Variants in MAML3 observed in about 807,000 individuals in gnomAD.
MAML3 encodes mastermind-like protein 3.
A neutral mutation model predicts 101.9 loss-of-function variants in MAML3; 27 were observed. The ratio of observed to expected loss-of-function variants is 0.27; its 90% CI spans 0.20 to 0.37. The LOEUF is 0.37. Among genes scored for constraint, MAML3 ranks in the 10% least tolerant of loss-of-function variants. The pLI is 1.00. For synonymous variants in MAML3, 501 were observed against 555.9 expected (o/e 0.90, Z 1.39); for missense variants, 1,316 against 1,444.9 (o/e 0.91, Z 1.45).
At chr4:140,025,547 G>A (rs566816993) in intron 1 of MAML3, among the ~76,000 whole-genome samples, 1 of 152,252 alleles carries the variant, frequency 6.6e-6, no homozygotes, top group Admixed American at 6.5e-5. Flanking sequence ...AGAAATGCCA[G>A]ATACACACCT....
chr4:139,798,455 C>G (rs949184571), intron 2 of MAML3, among the ~76,000 whole-genome samples: 6 of 152,160 alleles, frequency 3.9e-5, no homozygotes, highest in Non-Finnish European at 5.9e-5. Context: ...CCAAAGTTGT[C>G]AGGCAATACT....
intron 1 of MAML3, among the ~76,000 whole-genome samples, chr4:140,032,930 C>T (rs1479468420): frequency 6.7e-6 from 1 of 148,464 alleles, no homozygotes; most frequent in Admixed American, 6.7e-5. Flanking sequence ...GCTTATCCTT[C>T]AAGAAAATAT....
intron 1 of MAML3, among the ~76,000 whole-genome samples, chr4:139,959,846 A>G (rs1733979909): frequency 6.6e-6 from 1 of 152,242 alleles, no homozygotes; most frequent in African/African-American, 2.4e-5. Flanking sequence ...GGTCATTAGT[A>G]CCCATGATTA....
Position 140,089,306 on chromosome 4 carries a change from C to T in MAML3, c.468+63554G>A, listed in dbSNP as rs147255839. ...TTAGTTTGCTTGATCAGATTTTGAC[C>T]AATAATAATAAGAAAAAGAATGGAA... On this transcript the variant is annotated intron_variant, in intron 1 of 4. Transcript: ENST00000509479. 2.1e-3 allele frequency among the ~76,000 whole-genome samples: 318 copies of T among 152,132 alleles called. 1 individual carries two copies. The highest frequency in any genetic ancestry group is 7.1e-3 in the African/African-American group (295 of 41,512).
intron 1 of MAML3, among the ~76,000 whole-genome samples, chr4:140,130,554 CT>C (rs1728774572): frequency 6.6e-6 from 1 of 152,166 alleles, no homozygotes; most frequent in South Asian, 2.1e-4. Flanking sequence ...ATTATTTGGC[CT>C]TGCTGAAAGA....
At chr4:139,856,376 AAGG>A (rs1390951873) in intron 2 of MAML3, among the ~76,000 whole-genome samples, 1 of 152,204 alleles carries the variant, frequency 6.6e-6, no homozygotes, top group Admixed American at 6.5e-5. Flanking sequence ...CTGTTGGAAA[AAGG>A]AGAACTACAA....
At chr4:139,996,746 G>A (rs1238469104) in intron 1 of MAML3, among the ~76,000 whole-genome samples, 1 of 151,734 alleles carries the variant, frequency 6.6e-6, no homozygotes, top group Non-Finnish European at 1.5e-5. Flanking sequence ...TTTGATTTGA[G>A]TGGTTAGACC....
intron 1 of MAML3, among the ~76,000 whole-genome samples, chr4:139,994,115 C>T (rs1282621315): frequency 6.6e-6 from 1 of 152,186 alleles, no homozygotes; most frequent in Admixed American, 6.5e-5. Flanking sequence ...ATTGTCTTGG[C>T]ATCTTTGCTG....
chr4:139,885,483 C>A (rs1417952819), intron 2 of MAML3, among the ~76,000 whole-genome samples: 1 of 151,978 alleles, frequency 6.6e-6, no homozygotes, highest in African/African-American at 2.4e-5. Flanking sequence ...ATATTCTATG[C>A]CTGTAACAAA....
intron 1 of MAML3, among the ~76,000 whole-genome samples, chr4:140,151,372 T>C (rs1310517199): frequency 2.0e-5 from 3 of 150,350 alleles, no homozygotes; most frequent in African/African-American, 7.4e-5. Context: ...TTGTTCCTCT[T>C]CACGTGCGGG....
At chr4:139,963,131 C>G (rs756084089) in intron 1 of MAML3, among the ~76,000 whole-genome samples, 1 of 152,128 alleles carries the variant, frequency 6.6e-6, no homozygotes, top group Non-Finnish European at 1.5e-5. Context: ...CTTTAATGTG[C>G]ATACAAGTTG....
intron 1 of MAML3, among the ~76,000 whole-genome samples, chr4:139,905,491 CAAAAA>C (rs57898254): frequency 0.057 from 4,565 of 79,974 alleles, 308 homozygotes; most frequent in African/African-American, 0.16. Context: ...GACTCTGTCT[CAAAAA>C]AAAAAAAAAA....
At chr4:139,905,511 A>G (rs114710526) in intron 1 of MAML3, among the ~76,000 whole-genome samples, 5,703 of 149,088 alleles carry the variant, frequency 0.038, 201 homozygotes, top group Admixed American at 0.07. Flanking sequence ...AAAAAAAATC[A>G]GTTAAATCAG....
intron 1 of MAML3, among the ~76,000 whole-genome samples, chr4:140,057,940 A>G (rs1041709958): frequency 2.1e-5 from 3 of 139,816 alleles, no homozygotes; most frequent in African/African-American, 8.2e-5. Context: ...CCCCACCGCC[A>G]CCACCACCTT....
At chr4:139,828,798 T>C (rs1208811188) in intron 2 of MAML3, among the ~76,000 whole-genome samples, 1 of 151,126 alleles carries the variant, frequency 6.6e-6, no homozygotes, top group African/African-American at 2.4e-5. Flanking sequence ...ACATGGAACA[T>C]TGACTTCAAG....
chr4:139,943,964 G>A (rs923752016), intron 1 of MAML3, among the ~76,000 whole-genome samples: 29 of 136,484 alleles, frequency 2.1e-4, no homozygotes, highest in East Asian at 4.7e-4. Flanking sequence ...TCCGCCTCCC[G>A]GGTTCAAGCG....
intron 2 of MAML3, among the ~76,000 whole-genome samples, chr4:139,863,573 C>G (rs937922886): frequency 6.6e-6 from 1 of 151,984 alleles, no homozygotes; most frequent in Non-Finnish European, 1.5e-5. Flanking sequence ...TGGTCTCGAA[C>G]TCCTGACCTT....
chr4:140,021,616 A>G (rs1057475605), intron 1 of MAML3, among the ~76,000 whole-genome samples: 2 of 152,154 alleles, frequency 1.3e-5, no homozygotes, highest in Non-Finnish European at 2.9e-5. Flanking sequence ...ACAATGACCC[A>G]AGAATTTCTC....
intron 1 of MAML3, among the ~76,000 whole-genome samples, chr4:140,089,635 A>C (rs139155502): frequency 6.6e-6 from 1 of 152,378 alleles, no homozygotes; most frequent in Admixed American, 6.5e-5. Flanking sequence ...CTAAGTGAAG[A>C]AGCCAGATTC....
Sources: gnomAD v4.1 joint callset for allele counts (sites outside exome capture counted in the v4.1 genomes callset) on GRCh38, gnomAD v4.1.1 for gene constraint, MANE v1.5 for transcripts, NCBI Gene and HGNC (gene_info 2026-07-23, HGNC 2026-07-21) for gene names.